PPP4R3B: variants seen among roughly 807,000 people sequenced by gnomAD.
PPP4R3B encodes the protein protein phosphatase 4 regulatory subunit 3B.
In PPP4R3B, 52 loss-of-function variants were observed where a neutral mutation model predicts 95.4. That is an observed-to-expected ratio of 0.54 (90% CI 0.44 to 0.69). PPP4R3B has a LOEUF of 0.69. PPP4R3B is among the 30% of genes least tolerant of loss of function. The pLI, the probability that PPP4R3B is intolerant of heterozygous loss-of-function variation, is 0.00. For synonymous variants in PPP4R3B, 407 were observed against 343.9 expected (o/e 1.18, Z -2.03); for missense variants, 1,003 against 1,005.9 (o/e 1.00, Z 0.04).
At chr2:55,609,875 A>G (rs1354012442) in intron 2 of PPP4R3B, among the ~76,000 whole-genome samples, 1 of 152,122 alleles carries the variant, frequency 6.6e-6, no homozygotes, top group African/African-American at 2.4e-5. Context: ...TATATAAGAA[A>G]CTGGTGATGT....
intron 4 of PPP4R3B, among the ~76,000 whole-genome samples, chr2:55,590,671 A>G (rs958743269): frequency 1.3e-5 from 2 of 152,178 alleles, no homozygotes; most frequent in Non-Finnish European, 2.9e-5. Context: ...TATGAAATGT[A>G]ATTTCCATTA....
chr2:55,557,520 T>A (rs1464845096), intron 16 of PPP4R3B, among the ~76,000 whole-genome samples: 1 of 152,186 alleles, frequency 6.6e-6, no homozygotes, highest in Non-Finnish European at 1.5e-5. Context: ...CTCTAAATTG[T>A]CCCATCATAA....
At position 55,568,380 on chromosome 2, in the gene PPP4R3B, T is replaced by C. The variant is rs375164625; in HGVS notation, c.1766-17A>G. 5.1e-6 allele frequency: 8 copies of C among 1,579,372 alleles called. No individual in the cohort carries two copies. Among genetic ancestry groups the C allele is most frequent in the African/African-American group, 1.4e-5 (1 of 73,696 alleles). ...GAAGGGCACCTAATTAAAAATAATA[T>C]AGGGAATAAGTTAATGATCTTACTA... is the stretch of plus-strand genomic sequence containing the variant. On this transcript the variant is annotated splice_polypyrimidine_tract_variant and intron_variant, in intron 12 of 16. Coordinates refer to ENST00000616407, the MANE Select transcript of PPP4R3B (RefSeq NM_001122964.3).
At chr2:55,604,128 C>T in intron 2 of PPP4R3B, 52 bp from the exon 3 acceptor site, 1 of 1,399,936 alleles carries the variant, frequency 7.1e-7, no homozygotes, top group South Asian at 1.3e-5. Context: ...GAGGTATCTA[C>T]AAAGTACAAA....
At chr2:55,597,338 T>C (rs971596776) in intron 4 of PPP4R3B, among the ~76,000 whole-genome samples, 5 of 151,650 alleles carry the variant, frequency 3.3e-5, no homozygotes, top group East Asian at 2.0e-4. Context: ...ATACAAAAAA[T>C]TGGGCTGGGC....
intron 11 of PPP4R3B, among the ~76,000 whole-genome samples, chr2:55,575,591 A>G (rs1688569117): frequency 6.6e-6 from 1 of 152,048 alleles, no homozygotes; most frequent in South Asian, 2.1e-4. Context: ...GACCACAGGG[A>G]TATACCACCA....
intron 13 of PPP4R3B, among the ~76,000 whole-genome samples, chr2:55,565,271 C>T (rs981319477): frequency 3.4e-5 from 5 of 148,942 alleles, no homozygotes; most frequent in Non-Finnish European, 5.9e-5. Flanking sequence ...AAAGAGCATT[C>T]GAAAAGTAAA....
At chr2:55,613,876 G>A (rs1006825808) in intron 2 of PPP4R3B, among the ~76,000 whole-genome samples, 3 of 151,386 alleles carry the variant, frequency 2.0e-5, no homozygotes, top group African/African-American at 7.3e-5. Flanking sequence ...CAAACTAAAA[G>A]TGATCATCTG....
chr2:55,603,350 T>C (rs1383318730), intron 3 of PPP4R3B, among the ~76,000 whole-genome samples: 2 of 152,218 alleles, frequency 1.3e-5, no homozygotes, highest in African/African-American at 4.8e-5. Context: ...TCTAATACAG[T>C]AATCACTAGA....
intron 4 of PPP4R3B, 134 bp from the exon 5 acceptor site, chr2:55,589,090 A>T: frequency 3.5e-6 from 2 of 566,064 alleles, no homozygotes; most frequent in Non-Finnish European, 6.0e-6. Context: ...TCTGGGGTGT[A>T]TTTCTGTGTT....
chr2:55,560,359 C>T (rs1574685162), intron 15 of PPP4R3B, among the ~76,000 whole-genome samples: 1 of 152,322 alleles, frequency 6.6e-6, no homozygotes, highest in Non-Finnish European at 1.5e-5. Flanking sequence ...AAAGGTCATA[C>T]TTGGTATGCT....
chr2:55,578,730 T>TAGTA (rs1039853660), intron 9 of PPP4R3B, among the ~76,000 whole-genome samples: 1 of 152,068 alleles, frequency 6.6e-6, no homozygotes, highest in Non-Finnish European at 1.5e-5. Flanking sequence ...ATGGAACTGA[T>TAGTA]AGTATTACAT....
intron 8 of PPP4R3B, among the ~76,000 whole-genome samples, chr2:55,580,818 A>G (rs1689350600): frequency 6.6e-6 from 1 of 152,202 alleles, no homozygotes; most frequent in African/African-American, 2.4e-5. Flanking sequence ...GACTATTAAT[A>G]TTCTGGAGTA....
intron 5 of PPP4R3B, 27 bp from the exon 6 acceptor site, chr2:55,586,761 C>T (rs1427961950): frequency 1.5e-6 from 2 of 1,355,732 alleles, no homozygotes; most frequent in East Asian, 2.3e-5. Flanking sequence ...TTTAGTGAGA[C>T]ATTGATAAAC....
At chr2:55,587,496 A>C (rs1690306380) in intron 5 of PPP4R3B, among the ~76,000 whole-genome samples, 1 of 152,260 alleles carries the variant, frequency 6.6e-6, no homozygotes, top group Non-Finnish European at 1.5e-5. Context: ...AGGCACGAGA[A>C]GCGCTTGAAC....
At position 55,564,072 on chromosome 2, in the gene PPP4R3B, CA is replaced by C. The variant is rs1460397293; in HGVS notation, c.2260+240del. ...GAAAGAAAAGTATAAGTAGATAATT[CA>C]ATTTCTAACTAGCAAATTAACAGCA... On this transcript the variant is annotated intron_variant, in intron 15 of 16. Coordinates refer to ENST00000616407, the MANE Select transcript of PPP4R3B (RefSeq NM_001122964.3). 3.9e-5 allele frequency among the ~76,000 whole-genome samples: 6 copies of C among 152,234 alleles called. No homozygotes were observed. The East Asian group carries it at 1.2e-3, about 29-fold the overall frequency.
At chr2:55,615,361 C>T (rs1294824260) in intron 2 of PPP4R3B, 90 bp downstream of exon 2, 1 of 949,682 alleles carries the variant, frequency 1.1e-6, no homozygotes, top group Non-Finnish European at 1.6e-6. Context: ...ATGTTTTTTT[C>T]TTGTCAGGAA....
intron 13 of PPP4R3B, among the ~76,000 whole-genome samples, chr2:55,566,940 G>A (rs189435120): frequency 1.3e-5 from 2 of 152,330 alleles, no homozygotes; most frequent in African/African-American, 2.4e-5. Flanking sequence ...CCAGGAGGTC[G>A]AGGCTGCAGT....
At chr2:55,576,696 C>T (rs1216276238) in intron 11 of PPP4R3B, among the ~76,000 whole-genome samples, 1 of 151,942 alleles carries the variant, frequency 6.6e-6, no homozygotes, top group Admixed American at 6.6e-5. Context: ...AGTGAGACTC[C>T]ATCTCAAAAA....
Sources: allele counts gnomAD v4.1 joint callset (sites outside exome capture counted in the v4.1 genomes callset), GRCh38; gene constraint gnomAD v4.1.1; transcripts MANE v1.5; gene names NCBI Gene and HGNC (gene_info 2026-07-23, HGNC 2026-07-21).